The following EXOSC7 variants were observed in gnomAD, a reference collection of about 807,000 sequenced individuals.
The protein encoded by EXOSC7 is exosome component 7.
Under a neutral mutation model 34.3 loss-of-function variants are expected in EXOSC7, and 25 were observed. The observed-to-expected ratio is 0.73, with a 90% CI of 0.53 to 1.02. The LOEUF (loss-of-function observed/expected upper bound fraction) is 1.02. Among genes scored for constraint, EXOSC7 ranks in the 50% least tolerant of loss-of-function variants. The pLI, the probability that EXOSC7 is intolerant of heterozygous loss-of-function variation, is 0.00. For synonymous variants in EXOSC7, 130 were observed against 143.0 expected (o/e 0.91, Z 0.65); for missense variants, 370 against 368.5 (o/e 1.00, Z -0.03).
chr3:44,993,053 A>G (rs1383046302), intron 3 of EXOSC7, among the ~76,000 whole-genome samples: 2 of 152,102 alleles, frequency 1.3e-5, no homozygotes, highest in African/African-American at 4.8e-5. Flanking sequence ...TTGCCTGCTT[A>G]GTGCTGCTAA....
intron 1 of EXOSC7, among the ~76,000 whole-genome samples, chr3:44,986,604 A>T (rs1283788390): frequency 2.0e-5 from 3 of 152,242 alleles, no homozygotes; most frequent in African/African-American, 7.2e-5. Context: ...GCCCAGGCAG[A>T]GGAGGTGCCG....
At chr3:44,983,817 A>G (rs552237956) in intron 1 of EXOSC7, among the ~76,000 whole-genome samples, 11 of 152,218 alleles carry the variant, frequency 7.2e-5, no homozygotes, top group African/African-American at 2.6e-4. Context: ...GAGCTAGGCC[A>G]GGCAGGTTTG....
At chr3:45,005,509 T>C (rs1707010773) in intron 6 of EXOSC7, 95 bp downstream of exon 6, 4 of 1,279,500 alleles carry the variant, frequency 3.1e-6, no homozygotes, top group Non-Finnish European at 4.4e-6. Context: ...TAAGAAGTTG[T>C]AATACCACAC....
intron 1 of EXOSC7, among the ~76,000 whole-genome samples, chr3:44,987,958 G>A (rs886714958): frequency 6.6e-6 from 1 of 152,204 alleles, no homozygotes; most frequent in African/African-American, 2.4e-5. Flanking sequence ...GATAGATACA[G>A]AATTAAACAG....
At chr3:44,989,403 C>A in intron 2 of EXOSC7, 147 bp from the exon 3 acceptor site, 1 of 795,664 alleles carries the variant, frequency 1.3e-6, no homozygotes. Flanking sequence ...TCTGAAAAGA[C>A]TGCTCACCTC....
chr3:44,989,076 T>C, intron 1 of EXOSC7, 64 bp from the exon 2 acceptor site: 1 of 1,086,950 alleles, frequency 9.2e-7, no homozygotes, highest in Middle Eastern at 2.0e-4. Flanking sequence ...GGAAAATGGG[T>C]GAGTCCGTTT....
Position 45,007,463 on chromosome 3 carries a change from C to T in EXOSC7, c.659C>T (p.Ala220Val). The change falls in exon 7 of 8, where the codon GCC (alanine) becomes GTC (valine). Residue 220 changes from alanine to valine, a missense_variant. Around this residue, in one of 3 missense-constraint regions of EXOSC7, gnomAD observed 255 missense variants for 246.4 expected, o/e 1.03. Coordinates refer to ENST00000265564, the MANE Select transcript of EXOSC7 (RefSeq NM_015004.4). ...HVVDATLQEEACSLASLLVSV... is the reference protein window; with the variant it reads ...HVVDATLQEEVCSLASLLVSV... ...GTGGATGCTACTCTTCAGGAGGAGG[C>T]CTGCTCGCTGGCCAGCTTGCTGGTG... is the stretch of plus-strand genomic sequence containing the variant. The T allele has an allele frequency of 1.2e-6, 2 of 1,614,152 alleles. No homozygotes were observed. The highest frequency in any genetic ancestry group is 8.5e-7 in the Non-Finnish European group (1 of 1,180,034).
intron 1 of EXOSC7, among the ~76,000 whole-genome samples, chr3:44,987,572 G>C (rs570307177): frequency 6.6e-6 from 1 of 152,266 alleles, no homozygotes; most frequent in East Asian, 1.9e-4. Context: ...TAAAAAAAAA[G>C]TTACAAGTTA....
At chr3:44,983,939 A>G (rs1360274670) in intron 1 of EXOSC7, among the ~76,000 whole-genome samples, 5 of 151,962 alleles carry the variant, frequency 3.3e-5, no homozygotes, top group Admixed American at 2.6e-4. Flanking sequence ...TTTTCCTCCT[A>G]TCCTTTTTTT....
At chr3:45,009,369 G>A (rs532340519) in intron 7 of EXOSC7, among the ~76,000 whole-genome samples, 1 of 152,296 alleles carries the variant, frequency 6.6e-6, no homozygotes, top group South Asian at 2.1e-4. Flanking sequence ...AGCCTCTGCA[G>A]TTGCTTTCCT....
chr3:44,996,213 C>G (rs530321125), intron 3 of EXOSC7, among the ~76,000 whole-genome samples: 1 of 152,326 alleles, frequency 6.6e-6, no homozygotes, highest in East Asian at 1.9e-4. Context: ...GGCTTCTTAC[C>G]TTTCTAGTCC....
At chr3:44,994,059 G>T (rs1180628639) in intron 3 of EXOSC7, among the ~76,000 whole-genome samples, 1 of 152,148 alleles carries the variant, frequency 6.6e-6, no homozygotes, top group Non-Finnish European at 1.5e-5. Flanking sequence ...GGGCCAGGCT[G>T]CCTGGGTTAG....
At chr3:45,008,880 G>T (rs1707128382) in intron 7 of EXOSC7, among the ~76,000 whole-genome samples, 3 of 152,206 alleles carry the variant, frequency 2.0e-5, no homozygotes, top group Admixed American at 2.0e-4. Context: ...CAAATAGCTG[G>T]AGTTTATTGT....
chr3:44,989,620 G>A lies in EXOSC7; in HGVS notation c.230G>A (p.Gly77Asp). Residue 77 changes from glycine (G) to aspartate (D), a missense_variant, in exon 3 of 8, where the codon GGC (glycine) becomes GAC (aspartate). Transcript: ENST00000265564. Reference sequence around the variant, plus strand: ...CCGAAGCTGGAGAAACCAAATGAAGGCTACTTGGAGTTCTTTGTTGACTGG... The same window carrying A: ...CCGAAGCTGGAGAAACCAAATGAAGACTACTTGGAGTTCTTTGTTGACTGG... ...GTPKLEKPNEGYLEFFVDCSA... is the reference protein window; with the variant it reads ...GTPKLEKPNEDYLEFFVDCSA... The A allele has an allele frequency of 6.2e-7, 1 of 1,613,662 alleles. No individual in the cohort carries two copies. The highest frequency in any genetic ancestry group is 8.5e-7 in the Non-Finnish European group (1 of 1,179,612).
At chr3:45,001,164 G>A (rs549509029) in intron 4 of EXOSC7, among the ~76,000 whole-genome samples, 3 of 152,110 alleles carry the variant, frequency 2.0e-5, no homozygotes, top group East Asian at 1.9e-4. Flanking sequence ...AAAAAAAATC[G>A]GTGTCCTGGC....
intron 2 of EXOSC7, 124 bp from the exon 3 acceptor site, chr3:44,989,426 C>T: frequency 1.2e-6 from 1 of 861,254 alleles, no homozygotes; most frequent in Admixed American, 2.4e-5. Flanking sequence ...CCAAAGACCA[C>T]TTTCCAAGTC....
chr3:44,998,869 C>A (rs1171828602), intron 4 of EXOSC7, among the ~76,000 whole-genome samples: 2 of 152,166 alleles, frequency 1.3e-5, no homozygotes, highest in African/African-American at 4.8e-5. Flanking sequence ...AGCCTGTAGT[C>A]CTTACTGAGG....
chr3:44,996,946 C>T, intron 3 of EXOSC7, 141 bp from the exon 4 acceptor site: 2 of 803,754 alleles, frequency 2.5e-6, no homozygotes, highest in East Asian at 2.5e-5. Flanking sequence ...TGGCAGATGC[C>T]ATCCTTTCCT....
chr3:45,002,418 A>G (rs1463663783), intron 5 of EXOSC7, among the ~76,000 whole-genome samples: 1 of 152,144 alleles, frequency 6.6e-6, no homozygotes, highest in African/African-American at 2.4e-5. Context: ...CCTAGAATAA[A>G]CATTACACTG....
Sources: gnomAD v4.1 joint callset for allele counts (sites outside exome capture counted in the v4.1 genomes callset) on GRCh38, gnomAD v4.1.1 for gene constraint, gnomAD v4.1.1 regional missense constraint, MANE v1.5 for transcripts, NCBI Gene and HGNC (gene_info 2026-07-23, HGNC 2026-07-21) for gene names.